Variants in ABLIM1 observed in about 807,000 individuals in gnomAD.
The protein encoded by ABLIM1 is actin-binding LIM protein 1.
ABLIM1 carries 40 observed loss-of-function variants against 107.0 expected under a neutral mutation model. The observed-to-expected ratio is 0.37, with a 90% CI of 0.29 to 0.49. The LOEUF is 0.49. ABLIM1 is among the 20% of genes least tolerant of loss of function. The pLI is 0.97. For missense variants in ABLIM1, 857 were observed against 1,008.5 expected, an observed-to-expected ratio of 0.85 and a Z score of 2.04; for synonymous variants, 357 against 357.3, an observed-to-expected ratio of 1.00 and a Z score of 0.01.
intron 6 of ABLIM1, among the ~76,000 whole-genome samples, chr10:114,538,488 T>C (rs576962093): frequency 6.6e-6 from 1 of 152,134 alleles, no homozygotes; most frequent in Non-Finnish European, 1.5e-5. Context: ...ATGTGGTGGG[T>C]GTACAGGCTG....
the ABLIM1 span, among the ~76,000 whole-genome samples, chr10:114,791,458 G>A: frequency 6.6e-6 from 1 of 152,050 alleles, no homozygotes; most frequent in Non-Finnish European, 1.5e-5. Flanking sequence ...CTAACATGGT[G>A]AAACCCCGTC....
the ABLIM1 span, among the ~76,000 whole-genome samples, chr10:114,798,116 T>C: frequency 6.6e-6 from 1 of 152,228 alleles, no homozygotes; most frequent in Non-Finnish European, 1.5e-5. Flanking sequence ...CCTTATATAT[T>C]TTTTATATAA....
At chr10:114,457,104 C>T (rs143945966) in intron 12 of ABLIM1, among the ~76,000 whole-genome samples, 88 of 152,172 alleles carry the variant, frequency 5.8e-4, no homozygotes, top group East Asian at 5.2e-3. Flanking sequence ...AACCGCTCAT[C>T]GGGGAATAAG....
rs1225875106 is a variant in ABLIM1 at position 114,441,763 on chromosome 10, T to C, written c.1957A>G (p.Thr653Ala). ...CTTCCATAGCCAGGGAGAGATGCAG[T>C]TTTAGATGATGGAATATGTGAAGCT... The part of the protein sequence containing the change: ...NSASHIPSSK[T>A]ASLPGYGRNG... The change falls in exon 18 of 23, where the codon ACT (threonine) becomes GCT (alanine). Residue 653 changes from threonine (T) to alanine (A), a missense_variant. Around this residue, in one of 5 missense-constraint regions of ABLIM1, gnomAD observed 193 missense variants for 208.5 expected, o/e 0.93. Transcript: ENST00000533213. 1 of 1,613,920 alleles carries C rather than the reference T, an allele frequency of 6.2e-7. No individual in the cohort carries two copies. Among genetic ancestry groups the C allele is most frequent in the South Asian group, 1.1e-5 (1 of 91,056 alleles).
At chr10:114,773,717 G>A in the ABLIM1 span, among the ~76,000 whole-genome samples, 6 of 152,032 alleles carry the variant, frequency 3.9e-5, no homozygotes, top group Admixed American at 2.6e-4. Flanking sequence ...GAGAGACTCC[G>A]TCTCAAAAAC....
chr10:114,541,314 A>G (rs2066628553), intron 6 of ABLIM1, among the ~76,000 whole-genome samples: 1 of 152,196 alleles, frequency 6.6e-6, no homozygotes, highest in Non-Finnish European at 1.5e-5. Flanking sequence ...TTAAGCCACC[A>G]CTGCTACAGC....
At chr10:114,765,340 C>T (rs1427850661) in intron 1 of ABLIM1, among the ~76,000 whole-genome samples, 6 of 149,498 alleles carry the variant, frequency 4.0e-5, no homozygotes, top group Admixed American at 2.7e-4. Context: ...TGAGCCACTG[C>T]GCCCGGCCAT....
At chr10:114,737,808 C>T (rs2082209819) in intron 1 of ABLIM1, among the ~76,000 whole-genome samples, 1 of 152,118 alleles carries the variant, frequency 6.6e-6, no homozygotes, top group African/African-American at 2.4e-5. Flanking sequence ...TGATTTCTCT[C>T]TTGCAGATTC....
chr10:114,693,859 T>G (rs1220128541), intron 1 of ABLIM1, among the ~76,000 whole-genome samples: 1 of 150,798 alleles, frequency 6.6e-6, no homozygotes, highest in Non-Finnish European at 1.5e-5. Context: ...ATTGGGTTAT[T>G]GCTGTGTTGC....
chr10:114,451,147 C>A (rs984326607), intron 14 of ABLIM1, among the ~76,000 whole-genome samples: 4 of 152,134 alleles, frequency 2.6e-5, no homozygotes, highest in Non-Finnish European at 5.9e-5. Flanking sequence ...TGTATCCTGT[C>A]CACTCCACTG....
intron 1 of ABLIM1, among the ~76,000 whole-genome samples, chr10:114,606,789 TGA>T: frequency 6.6e-6 from 1 of 152,298 alleles, no homozygotes; most frequent in Non-Finnish European, 1.5e-5. Flanking sequence ...ATAGACAAAC[TGA>T]GGCTCAGAGG....
intron 6 of ABLIM1, among the ~76,000 whole-genome samples, chr10:114,500,606 G>A (rs1330247276): frequency 6.7e-6 from 1 of 148,766 alleles, no homozygotes; most frequent in East Asian, 2.0e-4. Flanking sequence ...CTTGAGCCCA[G>A]AGGTTGAGGC....
chr10:114,606,826 C>T (rs533626512), intron 1 of ABLIM1, among the ~76,000 whole-genome samples: 33 of 152,276 alleles, frequency 2.2e-4, no homozygotes, highest in Admixed American at 3.3e-4. Flanking sequence ...CCCAAGGTGG[C>T]GCAGCCAAGA....
At chr10:114,694,272 C>G (rs993049979) in intron 1 of ABLIM1, among the ~76,000 whole-genome samples, 1 of 152,116 alleles carries the variant, frequency 6.6e-6, no homozygotes, top group African/African-American at 2.4e-5. Context: ...GGCCCGGGTG[C>G]CACTCTGAGA....
chr10:114,606,714 T>C (rs1053358501), intron 1 of ABLIM1, among the ~76,000 whole-genome samples: 2 of 152,150 alleles, frequency 1.3e-5, no homozygotes, highest in East Asian at 1.9e-4. Context: ...CTCTTCTCTA[T>C]CTCATTTCAC....
intron 8 of ABLIM1, among the ~76,000 whole-genome samples, chr10:114,485,127 C>T (rs2057993554): frequency 6.6e-6 from 1 of 152,212 alleles, no homozygotes; most frequent in African/African-American, 2.4e-5. Context: ...AACATCCATC[C>T]AAGAAGACAA....
chr10:114,583,223 T>C (rs1433614476), intron 2 of ABLIM1, among the ~76,000 whole-genome samples: 1 of 151,480 alleles, frequency 6.6e-6, no homozygotes, highest in South Asian at 2.1e-4. Context: ...AAAGAAGATA[T>C]GCAAGAAGCC....
upstream of ABLIM1, among the ~76,000 whole-genome samples, chr10:114,769,912 C>T (rs1424222826): frequency 6.6e-6 from 1 of 152,142 alleles, no homozygotes. Context: ...GAAAACTTGC[C>T]AGTGAATCAC....
At chr10:114,494,813 T>C (rs561321913) in intron 6 of ABLIM1, among the ~76,000 whole-genome samples, 1 of 152,362 alleles carries the variant, frequency 6.6e-6, no homozygotes, top group African/African-American at 2.4e-5. Context: ...TATTGTGTGA[T>C]CTTGTGCAGG....
Sources: allele counts gnomAD v4.1 joint callset (sites outside exome capture counted in the v4.1 genomes callset), GRCh38; gene constraint gnomAD v4.1.1; regional missense constraint gnomAD v4.1.1; transcripts MANE v1.5; gene names NCBI Gene and HGNC (gene_info 2026-07-23, HGNC 2026-07-21).